PIK3C2G: variants seen among roughly 807,000 people sequenced by gnomAD.
PIK3C2G encodes phosphatidylinositol-4-phosphate 3-kinase catalytic subunit type 2 gamma.
Under a neutral mutation model 181.1 loss-of-function variants are expected in PIK3C2G, and 168 were observed. The observed-to-expected ratio is 0.93, with a 90% CI of 0.82 to 1.05. The LOEUF is 1.05. PIK3C2G is among the 50% of genes least tolerant of loss of function. The pLI, the probability that PIK3C2G is intolerant of heterozygous loss-of-function variation, is 0.00. For missense variants in PIK3C2G, 1,869 were observed against 1,732.8 expected, an observed-to-expected ratio of 1.08 and a Z score of -1.40; for synonymous variants, 573 against 592.2, an observed-to-expected ratio of 0.97 and a Z score of 0.47.
At chr12:18,564,996 G>C (rs1945552235) in intron 28 of PIK3C2G, among the ~76,000 whole-genome samples, 1 of 152,076 alleles carries the variant, frequency 6.6e-6, no homozygotes, top group Admixed American at 6.5e-5. Flanking sequence ...TTAGGATTCT[G>C]CTTTGCTCAT....
intron 26 of PIK3C2G, among the ~76,000 whole-genome samples, chr12:18,551,268 G>A (rs1944714483): frequency 6.6e-6 from 1 of 152,016 alleles, no homozygotes; most frequent in Admixed American, 6.6e-5. Flanking sequence ...TAATATCTCT[G>A]CAGAGACCAC....
the PIK3C2G span, among the ~76,000 whole-genome samples, chr12:18,661,109 G>A: frequency 3.3e-5 from 5 of 152,018 alleles, no homozygotes. Context: ...ACTGAGTTTG[G>A]GGAATAGCAA....
intron 31 of PIK3C2G, among the ~76,000 whole-genome samples, chr12:18,610,939 G>A (rs1303315862): frequency 2.0e-5 from 3 of 152,130 alleles, no homozygotes; most frequent in Admixed American, 2.0e-4. Context: ...GAGCACACCT[G>A]ATGAAATTGC....
chr12:18,504,242 T>C (rs888385075), intron 23 of PIK3C2G, among the ~76,000 whole-genome samples: 2 of 152,102 alleles, frequency 1.3e-5, no homozygotes, highest in African/African-American at 2.4e-5. Flanking sequence ...TTCCATAACA[T>C]TGTGTTGGAG....
At chr12:18,599,569 A>G (rs1947586371) in intron 30 of PIK3C2G, among the ~76,000 whole-genome samples, 1 of 152,060 alleles carries the variant, frequency 6.6e-6, no homozygotes, top group Admixed American at 6.6e-5. Flanking sequence ...TAGTGGGTGC[A>G]GCACACCAGC....
At chr12:18,326,622 G>T (rs1407785905) in intron 8 of PIK3C2G, among the ~76,000 whole-genome samples, 2 of 152,080 alleles carry the variant, frequency 1.3e-5, no homozygotes, top group African/African-American at 4.8e-5. Flanking sequence ...TTCTGCTCCA[G>T]CCTGGTCTGA....
intron 30 of PIK3C2G, among the ~76,000 whole-genome samples, chr12:18,600,611 A>C (rs1947657285): frequency 6.6e-6 from 1 of 152,118 alleles, no homozygotes; most frequent in Admixed American, 6.6e-5. Flanking sequence ...ATATTAATAC[A>C]AAAGGAAATG....
rs536703274 is a variant in PIK3C2G, at chr12:18,292,463, C to T, written c.920-1438C>T. 2.4e-4 allele frequency among the ~76,000 whole-genome samples: 37 copies of T among 151,846 alleles called. 1 individual carries two copies. The South Asian group carries it at 5.4e-3, about 22-fold the overall frequency. ...GCCAAGCTACTAGTCTAGCTATCTA[C>T]AGACAGTTCACTATCTCTATGGGAT... On this transcript the variant is annotated intron_variant, in intron 4 of 32. Transcript: ENST00000538779.
chr12:18,497,591 C>T (rs1941118226), intron 21 of PIK3C2G, 28 bp from the exon 22 acceptor site: 1 of 1,586,762 alleles, frequency 6.3e-7, no homozygotes, highest in African/African-American at 1.4e-5. Context: ...AAGGAAAAAC[C>T]CAGGGTCTAT....
chr12:18,584,715 G>C (rs951619746), intron 29 of PIK3C2G, among the ~76,000 whole-genome samples: 1 of 152,046 alleles, frequency 6.6e-6, no homozygotes, highest in African/African-American at 2.4e-5. Context: ...TTCTACAGAA[G>C]ATAATCATCC....
the PIK3C2G span, chr12:18,705,273 A>G: frequency 1.2e-6 from 2 of 1,614,136 alleles, no homozygotes; most frequent in Non-Finnish European, 1.7e-6. Context: ...TGGGCAGTGG[A>G]GCAGTGATTT....
intron 12 of PIK3C2G, among the ~76,000 whole-genome samples, chr12:18,369,524 C>A (rs10841020): frequency 3.1e-5 from 1 of 32,454 alleles, no homozygotes; most frequent in Non-Finnish European, 5.6e-5. Context: ...AATTGACATA[C>A]GATCATATAA....
chr12:18,650,704 G>GTATATATATATATA (rs1361372584), downstream of PIK3C2G, among the ~76,000 whole-genome samples: 1 of 57,764 alleles, frequency 1.7e-5, no homozygotes, highest in Non-Finnish European at 4.0e-5. Flanking sequence ...GTGTGTGTGT[G>GTATATATATATATA]TATATATCTA....
intron 14 of PIK3C2G, among the ~76,000 whole-genome samples, chr12:18,389,003 T>C (rs969607634): frequency 9.8e-5 from 15 of 152,300 alleles, no homozygotes; most frequent in African/African-American, 3.6e-4. Flanking sequence ...GAGAAATAGA[T>C]GTCATGGCGC....
chr12:18,482,550 T>C (rs750068218), intron 18 of PIK3C2G, among the ~76,000 whole-genome samples: 9 of 152,084 alleles, frequency 5.9e-5, no homozygotes, highest in Non-Finnish European at 4.4e-5. Context: ...AAACCTTGAG[T>C]AACATCCACC....
intron 31 of PIK3C2G, among the ~76,000 whole-genome samples, chr12:18,639,703 C>T (rs181705644): frequency 6.6e-6 from 1 of 152,090 alleles, no homozygotes; most frequent in East Asian, 1.9e-4. Context: ...AAGGTGGAAA[C>T]AAGTTCTGAA....
At chr12:18,302,640 C>T (rs1950223665) in intron 5 of PIK3C2G, among the ~76,000 whole-genome samples, 1 of 152,114 alleles carries the variant, frequency 6.6e-6, no homozygotes, top group African/African-American at 2.4e-5. Flanking sequence ...TGCTTGGGTC[C>T]TGGTGGGTCT....
intron 31 of PIK3C2G, among the ~76,000 whole-genome samples, chr12:18,627,760 T>C (rs1306317360): frequency 6.6e-6 from 1 of 152,188 alleles, no homozygotes; most frequent in African/African-American, 2.4e-5. Context: ...GACAGGCACA[T>C]AGATGAGAAA....
chr12:18,361,533 G>GAA (rs35694150), intron 11 of PIK3C2G, among the ~76,000 whole-genome samples: 2,070 of 146,306 alleles, frequency 0.014, 22 homozygotes, highest in Non-Finnish European at 0.023. Context: ...GCTTCCCACT[G>GAA]AAAAAAAAAA....
Sources: allele counts gnomAD v4.1 joint callset (sites outside exome capture counted in the v4.1 genomes callset), GRCh38; gene constraint gnomAD v4.1.1; transcripts MANE v1.5; gene names NCBI Gene and HGNC (gene_info 2026-07-23, HGNC 2026-07-21).